The following SH3GLB1 variants were observed in gnomAD, a reference collection of about 807,000 sequenced individuals.
SH3GLB1 encodes SH3 domain containing GRB2 like, endophilin B1.
Under a neutral mutation model 42.0 loss-of-function variants are expected in SH3GLB1, and 17 were observed. The ratio of observed to expected loss-of-function variants is 0.40; its 90% confidence interval spans 0.28 to 0.61. The LOEUF (loss-of-function observed/expected upper bound fraction) is 0.61, where lower values mean the gene tolerates loss of function less well. Among genes scored for constraint, SH3GLB1 ranks in the 20% least tolerant of loss-of-function variants. SH3GLB1 has a pLI of 0.36. For missense variants in SH3GLB1, 355 were observed against 426.3 expected (o/e 0.83, Z 1.47); for synonymous variants, 132 against 146.6 (o/e 0.90, Z 0.72).
rs71778842 is a variant in SH3GLB1 at position 86,724,410 on chromosome 1, GTAAA to G, written c.570+8_570+11del. Reference sequence around the variant, plus strand: ...GCTGCAGAAACTAGAAATTCAGTAAGTAAATAGAAAAATATTTTTGATTAATAAC... The same window carrying G: ...GCTGCAGAAACTAGAAATTCAGTAAGTAGAAAAATATTTTTGATTAATAAC... On this transcript the variant is annotated splice_donor_region_variant and intron_variant, in intron 5 of 8. Coordinates refer to ENST00000370558, the MANE Select transcript of SH3GLB1 (RefSeq NM_016009.5). The G allele has an allele frequency of 0.016, 24,628 of 1,573,496 alleles. 788 individuals are homozygous for G. The highest frequency in any genetic ancestry group is 0.13 in the African/African-American group (9,286 of 72,740).
At chr1:86,716,077 G>C (rs571918458) in intron 2 of SH3GLB1, among the ~76,000 whole-genome samples, 1 of 152,146 alleles carries the variant, frequency 6.6e-6, no homozygotes, top group South Asian at 2.1e-4. Flanking sequence ...GTCTTTTATA[G>C]AATCCTTGTA....
In SH3GLB1 at chr1:86,740,059, T is replaced by C. The variant is rs548370841; in HGVS notation, c.762-2149T>C. Among the ~76,000 whole-genome samples the C allele has an allele frequency of 1.2e-4, 19 of 152,074 alleles. No homozygotes were observed. In the East Asian group the frequency reaches 3.7e-3, roughly 29 times the overall value. ...TACTCAGGAAGCTGAGGCGAGAGAA[T>C]TGCTTGCTTAAGCCCAGGAAGCAGA... On this transcript the variant is annotated intron_variant, in intron 7 of 8. Transcript: ENST00000370558.
At chr1:86,723,383 A>C (rs1298430353) in intron 4 of SH3GLB1, among the ~76,000 whole-genome samples, 1 of 152,112 alleles carries the variant, frequency 6.6e-6, no homozygotes, top group Non-Finnish European at 1.5e-5. Flanking sequence ...GCATGGTGGC[A>C]GGTGCCTGTA....
At chr1:86,743,054 A>G in intron 8 of SH3GLB1, 74 bp from the exon 9 acceptor site, 1 of 1,169,390 alleles carries the variant, frequency 8.6e-7, no homozygotes, top group Non-Finnish European at 1.3e-6. Context: ...AACAAATTAA[A>G]TACAAATCTG....
At chr1:86,735,252 G>T in intron 7 of SH3GLB1, 73 bp downstream of exon 7, 2 of 953,860 alleles carry the variant, frequency 2.1e-6, no homozygotes, top group East Asian at 2.5e-5. Flanking sequence ...TAAGGATGAA[G>T]ATTAGAGCAA....
chr1:86,743,743 C>T lies in SH3GLB1; in HGVS notation c.*508C>T, dbSNP rs565940041. 2 of 152,626 alleles carry T rather than the reference C, an allele frequency of 1.3e-5. No individual in the cohort carries two copies. The highest frequency in any genetic ancestry group is 4.1e-4 in the South Asian group (2 of 4,826). 9.5% of individuals were successfully genotyped at this position (152,626 alleles called of 1,614,324 possible). On this transcript the variant is annotated 3_prime_UTR_variant, in exon 9 of 9. Coordinates refer to ENST00000370558, the MANE Select transcript of SH3GLB1 (RefSeq NM_016009.5). Reference sequence around the variant, plus strand: ...TTTCATAGACAAAAACGCATTTAAACTATGTTTACCTGGTTTTCCAACAGA... The same window carrying T: ...TTTCATAGACAAAAACGCATTTAAATTATGTTTACCTGGTTTTCCAACAGA...
In SH3GLB1 at chr1:86,704,990, GA is replaced by G. The variant is rs1570398108; in HGVS notation, c.72+23del. On this transcript the variant is annotated intron_variant, in intron 1 of 8. Transcript: ENST00000370558. The stretch of plus-strand genomic sequence containing the variant: ...CGTGCAGGTACCCTGGTGCTGGGGG[GA>G]AAAGGGGTGGCGGCGCCCGGGAAGG... 1.1e-5 allele frequency: 17 copies of G among 1,541,646 alleles called. No homozygotes were observed. The highest frequency in any genetic ancestry group is 7.8e-5 in the East Asian group (3 of 38,520).
Position 86,742,365 on chromosome 1 carries a change from A to G in SH3GLB1, c.919A>G (p.Ser307Gly). 6.2e-7 allele frequency: 1 copy of G among 1,614,154 alleles called. No individual in the cohort carries two copies. Among genetic ancestry groups the G allele is most frequent in the Non-Finnish European group, 8.5e-7 (1 of 1,180,008 alleles). Residue 307 changes from serine (S) to glycine (G), a missense_variant, in exon 8 of 9, where the codon AGC becomes GGC. Transcript: ENST00000370558. ...NLSDLKECSG[S>G]RKARVLYDYD... Reference sequence around the variant, plus strand: ...CAGTGACCTTAAGGAGTGTAGTGGCAGCAGAAAGGCCAGGGTTCTCTATGA... The same window carrying G: ...CAGTGACCTTAAGGAGTGTAGTGGCGGCAGAAAGGCCAGGGTTCTCTATGA...
chr1:86,742,943 AGAGT>A (rs1656126939), intron 8 of SH3GLB1, among the ~76,000 whole-genome samples, 181 bp from the exon 9 acceptor site: 1 of 152,248 alleles, frequency 6.6e-6, no homozygotes, highest in Non-Finnish European at 1.5e-5. Flanking sequence ...CCTGGGCAAC[AGAGT>A]GAGACCCTGC....
intron 2 of SH3GLB1, among the ~76,000 whole-genome samples, chr1:86,716,576 C>G (rs1369258636): frequency 6.6e-6 from 1 of 152,206 alleles, no homozygotes; most frequent in Non-Finnish European, 1.5e-5. Flanking sequence ...AGCCACTGCG[C>G]CCCGCCTATG....
chr1:86,733,771 T>A (rs1655634219), intron 5 of SH3GLB1, among the ~76,000 whole-genome samples: 1 of 152,210 alleles, frequency 6.6e-6, no homozygotes, highest in Non-Finnish European at 1.5e-5. Flanking sequence ...AGTGGCATAC[T>A]GTTATTTACA....
chr1:86,746,458 C>T lies in SH3GLB1; in HGVS notation c.*3223C>T, dbSNP rs186807942. The T allele has an allele frequency of 6.6e-6, 1 of 152,284 alleles. No homozygotes were observed. The highest frequency in any genetic ancestry group is 2.4e-5 in the African/African-American group (1 of 41,450). 9.4% of individuals were successfully genotyped at this position (152,284 alleles called of 1,614,324 possible). Reference sequence around the variant, plus strand: ...GCTTCATAGTTTAGCCTATAGCCAACTTTGCCTCAAGACCTCCAGATAAGA... The same window carrying T: ...GCTTCATAGTTTAGCCTATAGCCAATTTTGCCTCAAGACCTCCAGATAAGA... On this transcript the variant is annotated 3_prime_UTR_variant, in exon 9 of 9. Transcript: ENST00000370558.
At chr1:86,724,227 T>C (rs1163965819) in intron 4 of SH3GLB1, 86 bp from the exon 5 acceptor site, 69 of 915,318 alleles carry the variant, frequency 7.5e-5, no homozygotes, top group Non-Finnish European at 1.1e-4. Flanking sequence ...TACATATGTT[T>C]ACTAGGGAAT....
chr1:86,725,788 C>T (rs1475579194), intron 5 of SH3GLB1, among the ~76,000 whole-genome samples: 1 of 152,020 alleles, frequency 6.6e-6, no homozygotes, highest in East Asian at 1.9e-4. Flanking sequence ...ACGAGACTAC[C>T]CTAATACCTT....
At chr1:86,736,450 C>G (rs1655787134) in intron 7 of SH3GLB1, among the ~76,000 whole-genome samples, 1 of 152,260 alleles carries the variant, frequency 6.6e-6, no homozygotes, top group East Asian at 1.9e-4. Flanking sequence ...ATAGAATATA[C>G]AGGAGCATTT....
chr1:86,704,800 A>G lies in SH3GLB1; in HGVS notation c.-100A>G. 2 of 637,890 alleles carry G rather than the reference A, an allele frequency of 3.1e-6. No individual in the cohort carries two copies. The highest frequency in any genetic ancestry group is 2.1e-5 in the South Asian group (1 of 47,196). 39.5% of individuals were successfully genotyped at this position (637,890 alleles called of 1,614,324 possible). On this transcript the variant is annotated 5_prime_UTR_variant, in exon 1 of 9. Coordinates refer to ENST00000370558, the MANE Select transcript of SH3GLB1 (RefSeq NM_016009.5). ...CTGGCGCCGCCTCCCTCCACCTACC[A>G]CGTCTGCCCTCGCCGCTCTAGCCCT...
chr1:86,727,604 A>G (rs1233984565), intron 5 of SH3GLB1, among the ~76,000 whole-genome samples: 2 of 152,160 alleles, frequency 1.3e-5, no homozygotes, highest in Middle Eastern at 3.4e-3. Context: ...GGTCCCAGGC[A>G]TTTTGCCTAA....
At chr1:86,708,342 A>G (rs913287736) in intron 1 of SH3GLB1, among the ~76,000 whole-genome samples, 1 of 152,250 alleles carries the variant, frequency 6.6e-6, no homozygotes, top group African/African-American at 2.4e-5. Flanking sequence ...TAGAGAGAGA[A>G]ACATTCACGT....
rs149448713 is a variant in SH3GLB1, at chr1:86,711,189, A to G, written c.73-4535A>G. ...AGTAATACTGGTGATTAGAGTTTGC[A>G]TTAAATAGATGTCTTTGATCACACA... On this transcript the variant is annotated intron_variant, in intron 1 of 8. Coordinates refer to ENST00000370558, the MANE Select transcript of SH3GLB1 (RefSeq NM_016009.5). 2.3e-3 allele frequency among the ~76,000 whole-genome samples: 347 copies of G among 152,256 alleles called. 3 individuals carry two copies. The highest frequency in any genetic ancestry group is 7.2e-3 in the African/African-American group (300 of 41,562).
Sources: allele counts gnomAD v4.1 joint callset (sites outside exome capture counted in the v4.1 genomes callset), GRCh38; gene constraint gnomAD v4.1.1; transcripts MANE v1.5; gene names NCBI Gene and HGNC (gene_info 2026-07-23, HGNC 2026-07-21).